The following MUC4 variants were observed in gnomAD, a reference collection of about 807,000 sequenced individuals.
The protein encoded by MUC4 is mucin-4.
MUC4 carries 202 observed loss-of-function variants against 257.9 expected under a neutral mutation model. The observed-to-expected ratio is 0.78, with a 90% CI of 0.70 to 0.88. The LOEUF is 0.88. Ranked by LOEUF, MUC4 falls within the 40% of genes least tolerant of loss-of-function variation. The pLI is 0.00. For synonymous variants in MUC4, 2,351 were observed against 2,757.1 expected (o/e 0.85, Z 4.62); for missense variants, 5,976 against 6,513.7 (o/e 0.92, Z 2.84).
At chr3:195,763,710 G>C (rs995538111) in intron 11 of MUC4, 69 bp from the exon 12 acceptor site, 6 of 1,375,180 alleles carry the variant, frequency 4.4e-6, no homozygotes, top group Non-Finnish European at 5.8e-6. Flanking sequence ...CCTCACTGCA[G>C]TCAGGTGCGG....
At chr3:195,795,862 GGA>G (rs1247033581) in intron 1 of MUC4, among the ~76,000 whole-genome samples, 118 of 145,224 alleles carry the variant, frequency 8.1e-4, no homozygotes, top group African/African-American at 2.9e-3. Context: ...GTGGGAGGAG[GGA>G]GAGAGAGAGA....
Position 195,811,811 on chromosome 3 carries a change from C to G in MUC4, c.7G>C (p.Gly3Arg), listed in dbSNP as rs780775159. 4.3e-5 allele frequency: 69 copies of G among 1,613,642 alleles called. No individual in the cohort carries two copies. The highest frequency in any genetic ancestry group is 5.7e-5 in the Non-Finnish European group (67 of 1,179,894). ...CAGGGGACCCTCCTCCAGCGTGCCC[C>G]CTTCATGGCTGCGGCAAAAGTCCCC... MKGARWRRVPWVS... is the reference protein window; with the variant it reads MKRARWRRVPWVS... Residue 3 changes from glycine (G) to arginine (R), a missense_variant, in exon 1 of 25, where the codon GGG becomes CGG. By Grantham distance (125) the Gly-to-Arg change is moderately radical. Coordinates refer to ENST00000463781, the MANE Select transcript of MUC4 (RefSeq NM_018406.7).
At position 195,747,015 on chromosome 3, in the gene MUC4, T is replaced by A; in HGVS notation, c.*161A>T. Reference sequence around the variant, plus strand: ...CCCCCTGTGCACCTGCGCCTATGGATAAGGTATAGTCTTGTCTTGATTCCC... The same window carrying A: ...CCCCCTGTGCACCTGCGCCTATGGAAAAGGTATAGTCTTGTCTTGATTCCC... On this transcript the variant is annotated 3_prime_UTR_variant, in exon 25 of 25. Transcript: ENST00000463781. The A allele has an allele frequency of 9.6e-7, 1 of 1,043,592 alleles. No individual in the cohort carries two copies. Among genetic ancestry groups the A allele is most frequent in the Non-Finnish European group, 1.4e-6 (1 of 716,322 alleles). 64.6% of individuals were successfully genotyped at this position (1,043,592 alleles called of 1,614,324 possible).
At chr3:195,777,058 A>G (rs1185946144) in intron 3 of MUC4, among the ~76,000 whole-genome samples, 1 of 12,834 alleles carries the variant, frequency 7.8e-5, no homozygotes. Flanking sequence ...TACCTTCCAC[A>G]CCCATACCTT....
chr3:195,791,061 A>G lies in MUC4; in HGVS notation c.519T>C (p.Ala173=), dbSNP rs755833226. The change falls in exon 2 of 25, where the codon GCT becomes GCC. Residue 173 remains alanine, a synonymous_variant. Transcript: ENST00000463781. ...TPVTSAVSIT[A]GQEGQSRTTS... ...TTGTTCGTGATTGTCCTTCCTGTCC[A>G]GCTGTTATTGAGACTGCTGAGGTCA... The G allele has an allele frequency of 6.2e-6, 10 of 1,613,280 alleles. No homozygotes were observed. In the Admixed American group the frequency reaches 1.7e-4, roughly 27 times the overall value.
At chr3:195,798,021 G>A (rs1015199500) in intron 1 of MUC4, among the ~76,000 whole-genome samples, 5 of 152,128 alleles carry the variant, frequency 3.3e-5, no homozygotes, top group Non-Finnish European at 5.9e-5. Context: ...CAGAAGTTGA[G>A]GGGGGAGGAT....
At chr3:195,769,208 C>T in intron 6 of MUC4, 56 bp from the exon 7 acceptor site, 1 of 1,598,404 alleles carries the variant, frequency 6.3e-7, no homozygotes, top group Middle Eastern at 1.7e-4. Context: ...GGGGTCTCCT[C>T]TCTTATGTCC....
intron 13 of MUC4, 37 bp from the exon 14 acceptor site, chr3:195,762,291 C>T (rs1261063913): frequency 3.9e-6 from 6 of 1,536,140 alleles, no homozygotes; most frequent in African/African-American, 1.4e-5. Flanking sequence ...GAAGCCAGGT[C>T]GGCACCACGG....
chr3:195,747,505 C>T (rs1247638727), intron 24 of MUC4, 125 bp from the exon 25 acceptor site: 2 of 1,155,656 alleles, frequency 1.7e-6, no homozygotes, highest in East Asian at 2.5e-5. Context: ...TCCGGAGAGA[C>T]TGAGTCAGCC....
chr3:195,764,064 T>G lies in MUC4; in HGVS notation c.14025A>C (p.Thr4675=), dbSNP rs1719862841. Residue 4675 remains threonine (T), a synonymous_variant, in exon 11 of 25, where the codon ACA becomes ACC. Coordinates refer to ENST00000463781, the MANE Select transcript of MUC4 (RefSeq NM_018406.7). Reference sequence around the variant, plus strand: ...GCTCACCGGGCTGTGGGGGCCTGTATGTAGCACAGCCCACGTGGGGCCGCC... The same window carrying G: ...GCTCACCGGGCTGTGGGGGCCTGTAGGTAGCACAGCCCACGTGGGGCCGCC... The part of the protein sequence containing the change: ...QQRRPHVGCA[T]YRPPQPAWMF... 1.9e-6 allele frequency: 3 copies of G among 1,610,946 alleles called. No homozygotes were observed. The highest frequency in any genetic ancestry group is 1.7e-5 in the Admixed American group (1 of 59,794).
At chr3:195,754,156 C>T in intron 19 of MUC4, 57 bp downstream of exon 19, 2 of 1,567,018 alleles carry the variant, frequency 1.3e-6, no homozygotes, top group East Asian at 2.3e-5. Context: ...CTGTCTACAC[C>T]CTTGAGCTAT....
Position 195,751,012 on chromosome 3 carries a change from T to TC in MUC4, c.15747_15748insG (p.Asn5250GlufsTer20). Reference sequence around the variant, plus strand: ...TCCACCACCGCGGCCAGCAGCTGGTTGTTCAGGAAGTCAATGACCGGGCCC... The same window carrying TC: ...TCCACCACCGCGGCCAGCAGCTGGTTCGTTCAGGAAGTCAATGACCGGGCCC... On this transcript the variant is annotated frameshift_variant, in exon 23 of 25. Coordinates refer to ENST00000463781, the MANE Select transcript of MUC4 (RefSeq NM_018406.7). LOFTEE classifies it high-confidence loss of function. 6.2e-7 allele frequency: 1 copy of TC among 1,613,864 alleles called. No individual in the cohort carries two copies. Among genetic ancestry groups the TC allele is most frequent in the Non-Finnish European group, 8.5e-7 (1 of 1,179,954 alleles).
At chr3:195,808,662 G>T (rs776575983) in intron 1 of MUC4, among the ~76,000 whole-genome samples, 1 of 152,200 alleles carries the variant, frequency 6.6e-6, no homozygotes, top group Non-Finnish European at 1.5e-5. Flanking sequence ...TGCCAAGGGC[G>T]TCGCTGATGC....
In MUC4 at chr3:195,790,019, G is replaced by T. The variant is rs200165340; in HGVS notation, c.1561C>A (p.Pro521Thr). The T allele has an allele frequency of 1.2e-4, 187 of 1,614,008 alleles. No individual in the cohort carries two copies. In the African/African-American group the frequency reaches 2.3e-3, roughly 20 times the overall value. ...ATAGTGCCAGCTGTCCCTGTAGATG[G>T]ATTTCCTGTGACAAGCCTAGTGGCA... ...GAATRLVTGN[P>T]STGTAGTIPR... The change falls in exon 2 of 25, where the codon CCA (proline) becomes ACA (threonine). Residue 521 changes from proline to threonine, a missense_variant. Physicochemically the swap from Pro to Thr is conservative, Grantham distance 38. Around this residue, in one of 44 missense-constraint regions of MUC4, gnomAD observed 1,583 missense variants for 1,257.4 expected, o/e 1.26. Coordinates refer to ENST00000463781, the MANE Select transcript of MUC4 (RefSeq NM_018406.7).
intron 7 of MUC4, among the ~76,000 whole-genome samples, 175 bp from the exon 8 acceptor site, chr3:195,766,926 G>A (rs1179052289): frequency 6.6e-6 from 1 of 152,164 alleles, no homozygotes; most frequent in Non-Finnish European, 1.5e-5. Context: ...GCAGGAGAGG[G>A]GACAAGATGG....
chr3:195,774,240 A>G lies in MUC4; in HGVS notation c.13009T>C (p.Phe4337Leu). The G allele has an allele frequency of 6.2e-7, 1 of 1,604,416 alleles. No homozygotes were observed. Among genetic ancestry groups the G allele is most frequent in the Non-Finnish European group, 8.5e-7 (1 of 1,176,170 alleles). The part of the protein sequence containing the change: ...DLEFVRRTVD[F>L]TSPLFKPATG... ...GCCGGCTTGAAGAGTGGGGAGGTGAAGTCCACGGTCCTCCTGACGAACTCC... is the reference window on the plus strand; with the variant it reads ...GCCGGCTTGAAGAGTGGGGAGGTGAGGTCCACGGTCCTCCTGACGAACTCC... The change falls in exon 4 of 25, where the codon TTC (phenylalanine) becomes CTC (leucine). Residue 4337 changes from phenylalanine (F) to leucine (L), a missense_variant. Phe to Leu is a conservative substitution (Grantham distance 22). Coordinates refer to ENST00000463781, the MANE Select transcript of MUC4 (RefSeq NM_018406.7).
Position 195,789,862 on chromosome 3 carries a change from G to C in MUC4, c.1718C>G (p.Thr573Ser). 1 of 1,614,012 alleles carries C rather than the reference G, an allele frequency of 6.2e-7. No individual in the cohort carries two copies. Among genetic ancestry groups the C allele is most frequent in the Admixed American group, 1.7e-5 (1 of 60,024 alleles). Residue 573 changes from threonine to serine, a missense_variant, in exon 2 of 25, where the codon ACC becomes AGC. This residue lies in a region of MUC4 where 1,583 missense variants were observed against 1,257.4 expected (regional missense o/e 1.26). Coordinates refer to ENST00000463781, the MANE Select transcript of MUC4 (RefSeq NM_018406.7). ...GCTGCTGAGAAGAGCCTCTCCAGTG[G>C]TCCCCGTTTCTTGTGTCCATTGTGT... ...AQTQWTQETG[T>S]TGEALLSSPS...
chr3:195,767,730 CCACCACCAT>C (rs1560264196), intron 7 of MUC4, among the ~76,000 whole-genome samples: 1 of 7,170 alleles, frequency 1.4e-4, no homozygotes, highest in Non-Finnish European at 2.9e-4. Context: ...ACCACCATCA[CCACCACCAT>C]CACCATCGCC....
chr3:195,771,503 G>A lies in MUC4; in HGVS notation c.13242+149C>T, dbSNP rs146723876. On this transcript the variant is annotated intron_variant, in intron 5 of 24. Transcript: ENST00000463781. Reference sequence around the variant, plus strand: ...CTCCTGAGTCAGCTTAATGTCCCTTGACTGCTTCCTCCCACACCCATATTT... The same window carrying A: ...CTCCTGAGTCAGCTTAATGTCCCTTAACTGCTTCCTCCCACACCCATATTT... The A allele has an allele frequency of 9.7e-6, 9 of 927,088 alleles. No homozygotes were observed. The Admixed American group carries it at 2.6e-4, about 26-fold the overall frequency. The allele number at this position is 927,088 out of a possible 1,614,324, so 57.4% of individuals were successfully genotyped here. A position where few individuals can be genotyped will look rare whatever the true frequency, so the allele number is the denominator to read the frequency against.
Sources: allele counts gnomAD v4.1 joint callset (sites outside exome capture counted in the v4.1 genomes callset), GRCh38; gene constraint gnomAD v4.1.1; regional missense constraint gnomAD v4.1.1; transcripts MANE v1.5; gene names NCBI Gene and HGNC (gene_info 2026-07-23, HGNC 2026-07-21).